FOXP2: variants seen among roughly 807,000 people sequenced by gnomAD.
FOXP2 encodes forkhead box P2.
FOXP2 carries 12 observed loss-of-function variants against 115.8 expected under a neutral mutation model. That is an observed-to-expected ratio of 0.10 (90% CI 0.07 to 0.17). FOXP2 has a LOEUF of 0.17. Ranked by LOEUF, FOXP2 falls within the 10% of genes least tolerant of loss-of-function variation. The probability of loss-of-function intolerance (pLI) is 1.00; values close to 1 mark genes in which losing one functional copy is unlikely to be tolerated. For synonymous variants in FOXP2, 328 were observed against 297.7 expected, an observed-to-expected ratio of 1.10 and a Z score of -1.05; for missense variants, 629 against 843.5, an observed-to-expected ratio of 0.75 and a Z score of 3.15.
chr7:114,375,117 G>T (rs1031368023), intron 2 of FOXP2, among the ~76,000 whole-genome samples: 2 of 152,074 alleles, frequency 1.3e-5, no homozygotes, highest in African/African-American at 2.4e-5. Flanking sequence ...ATTGATAAGG[G>T]TTGAAACTAG....
At chr7:114,146,367 G>T (rs1266000770) in intron 1 of FOXP2, among the ~76,000 whole-genome samples, 1 of 152,184 alleles carries the variant, frequency 6.6e-6, no homozygotes, top group Non-Finnish European at 1.5e-5. Context: ...CGCTAGTAAG[G>T]TTCTAAACCT....
At chr7:114,427,484 G>T (rs1793912211) in intron 2 of FOXP2, among the ~76,000 whole-genome samples, 1 of 151,230 alleles carries the variant, frequency 6.6e-6, no homozygotes, top group Non-Finnish European at 1.5e-5. Context: ...ACAGAGAAAA[G>T]AAAGCTTTGA....
intron 3 of FOXP2, among the ~76,000 whole-genome samples, chr7:114,565,631 A>G (rs1403652269): frequency 6.6e-6 from 1 of 152,152 alleles, no homozygotes. Context: ...TAGCCTCAAA[A>G]TAAGTAAATA....
intron 2 of FOXP2, among the ~76,000 whole-genome samples, chr7:114,494,323 T>C (rs1391404580): frequency 6.6e-6 from 1 of 152,210 alleles, no homozygotes; most frequent in Admixed American, 6.6e-5. Flanking sequence ...ACTATGATAC[T>C]GTTGAACCAG....
intron 2 of FOXP2, among the ~76,000 whole-genome samples, chr7:114,436,801 A>G (rs1418906363): frequency 6.6e-6 from 1 of 152,140 alleles, no homozygotes; most frequent in Non-Finnish European, 1.5e-5. Flanking sequence ...TGGTCAAAAA[A>G]GGCTGGAGGA....
chr7:114,278,753 A>G (rs1240869993), intron 1 of FOXP2, among the ~76,000 whole-genome samples: 1 of 152,200 alleles, frequency 6.6e-6, no homozygotes, highest in Non-Finnish European at 1.5e-5. Flanking sequence ...CATATTTTCT[A>G]AACCAAGTAC....
intron 1 of FOXP2, among the ~76,000 whole-genome samples, chr7:114,257,456 T>C (rs1159273177): frequency 1.0e-4 from 15 of 143,718 alleles, no homozygotes; most frequent in African/African-American, 1.5e-4. Flanking sequence ...TCTTTCTTTT[T>C]TTTTTTTTTT....
At chr7:114,480,558 CACATATACATGTAAATATATGTATATAT>C (rs1796481419) in intron 2 of FOXP2, among the ~76,000 whole-genome samples, 1 of 150,026 alleles carries the variant, frequency 6.7e-6, no homozygotes, top group East Asian at 2.0e-4. Context: ...CATGTATATA[CACATATACATGTAAATATATGTATATAT>C]ACATATACAT....
Position 114,664,575 on chromosome 7 carries a change from A to T in FOXP2, c.2003+139A>T, listed in dbSNP as rs1378772. 385,419 of 966,578 alleles carry T rather than the reference A, an allele frequency of 0.4. 84,072 individuals are homozygous for T. Among genetic ancestry groups the T allele is most frequent in the Non-Finnish European group, 0.46 (298,390 of 646,562 alleles). 59.9% of individuals were successfully genotyped at this position (966,578 alleles called of 1,614,324 possible). On this transcript the variant is annotated intron_variant, in intron 16 of 16. Transcript: ENST00000350908. The stretch of plus-strand genomic sequence containing the variant: ...TGGAGTTAAATTATACCACGTTCAT[A>T]ATATGACAAAGTTTATCAAAATCGG...
intron 10 of FOXP2, among the ~76,000 whole-genome samples, chr7:114,655,499 G>A (rs981558626): frequency 3.9e-5 from 6 of 152,074 alleles, no homozygotes; most frequent in Admixed American, 1.3e-4. Flanking sequence ...TGAAACCACA[G>A]TTTAAAGTTC....
At chr7:114,654,145 C>A in intron 10 of FOXP2, 136 bp downstream of exon 10, 1 of 1,548,416 alleles carries the variant, frequency 6.5e-7, no homozygotes, top group Non-Finnish European at 8.7e-7. Context: ...AAAATGTAAT[C>A]GCTTGTCAAA....
At chr7:114,262,506 A>G (rs1447354902) in intron 1 of FOXP2, among the ~76,000 whole-genome samples, 1 of 152,172 alleles carries the variant, frequency 6.6e-6, no homozygotes, top group Non-Finnish European at 1.5e-5. Context: ...AAACCTGCAC[A>G]TATACTTCCT....
intron 2 of FOXP2, among the ~76,000 whole-genome samples, chr7:114,454,374 T>TG (rs1331556263): frequency 1.3e-5 from 2 of 151,928 alleles, no homozygotes; most frequent in African/African-American, 4.8e-5. Flanking sequence ...AAACAACAGG[T>TG]GCTGGAGAGG....
chr7:114,253,738 CTT>C (rs1366598994), intron 1 of FOXP2, among the ~76,000 whole-genome samples: 2 of 152,178 alleles, frequency 1.3e-5, no homozygotes, highest in Admixed American at 6.5e-5. Flanking sequence ...GGTCTTGACT[CTT>C]TATCCAATTT....
intron 2 of FOXP2, among the ~76,000 whole-genome samples, chr7:114,395,537 G>A (rs1332803834): frequency 6.6e-6 from 1 of 152,164 alleles, no homozygotes; most frequent in Non-Finnish European, 1.5e-5. Flanking sequence ...TCACTTTTTA[G>A]ATAAAGAGAA....
intron 1 of FOXP2, among the ~76,000 whole-genome samples, chr7:114,265,673 T>A (rs1169445363): frequency 2.6e-5 from 4 of 152,068 alleles, no homozygotes; most frequent in African/African-American, 9.7e-5. Flanking sequence ...GTAGAGGTTC[T>A]CGGTGGGGAC....
At chr7:114,109,793 A>G (rs1344031469) in intron 1 of FOXP2, among the ~76,000 whole-genome samples, 2 of 152,124 alleles carry the variant, frequency 1.3e-5, no homozygotes. Context: ...ATCTGTCAGA[A>G]CATTTACAGT....
At chr7:114,529,582 C>A (rs1042534250) in intron 2 of FOXP2, among the ~76,000 whole-genome samples, 7 of 151,730 alleles carry the variant, frequency 4.6e-5, no homozygotes, top group African/African-American at 1.4e-4. Flanking sequence ...TATATCCACA[C>A]ATTAATTTTC....
At chr7:114,106,450 A>G (rs375797144) in intron 1 of FOXP2, among the ~76,000 whole-genome samples, 44 of 151,798 alleles carry the variant, frequency 2.9e-4, no homozygotes, top group African/African-American at 9.7e-4. Context: ...AGGATGGGCA[A>G]CTTGTTTTGC....
Sources: allele counts gnomAD v4.1 joint callset (sites outside exome capture counted in the v4.1 genomes callset), GRCh38; gene constraint gnomAD v4.1.1; transcripts MANE v1.5; gene names NCBI Gene and HGNC (gene_info 2026-07-23, HGNC 2026-07-21).